Variants in IL3RA observed in about 807,000 individuals in gnomAD.
IL3RA encodes the protein interleukin-3 receptor subunit alpha.
Under a neutral mutation model 52.3 loss-of-function variants are expected in IL3RA, and 73 were observed. The ratio of observed to expected loss-of-function variants is 1.40; its 90% confidence interval spans 1.16 to 1.70. The LOEUF is 1.70. Among genes scored for constraint, IL3RA ranks in the 40% most tolerant of loss-of-function variants. The pLI is 0.00. For synonymous variants in IL3RA, 260 were observed against 194.0 expected, an observed-to-expected ratio of 1.34 and a Z score of -2.83; for missense variants, 664 against 504.4, an observed-to-expected ratio of 1.32 and a Z score of -3.03.
chrX:1,340,644 T>C (rs187388820), intron 1 of IL3RA, among the ~76,000 whole-genome samples: 6 of 152,252 alleles, frequency 3.9e-5, no homozygotes, highest in Admixed American at 1.3e-4. Context: ...CATGCACAGA[T>C]ACATATGCAT....
chrX:1,353,081 T>C (rs780059604), intron 6 of IL3RA, among the ~76,000 whole-genome samples: 26 of 149,538 alleles, frequency 1.7e-4, no homozygotes, highest in Middle Eastern at 3.6e-3. Context: ...TCATTGGTCA[T>C]AGGACCCCCT....
At chrX:1,348,597 T>G (rs1884327533) in intron 4 of IL3RA, 52 bp downstream of exon 4, 2 of 1,295,892 alleles carry the variant, frequency 1.5e-6, no homozygotes, top group South Asian at 1.2e-5. Flanking sequence ...CCTCCTTCCC[T>G]CTCTCCCTCC....
At chrX:1,380,866 G>T (rs770054546) in intron 10 of IL3RA, among the ~76,000 whole-genome samples, 157 bp from the exon 11 acceptor site, 1 of 151,980 alleles carries the variant, frequency 6.6e-6, no homozygotes, top group Admixed American at 6.6e-5. Flanking sequence ...TCGGGGGCGT[G>T]TCAGGGCCTC....
intron 8 of IL3RA, among the ~76,000 whole-genome samples, chrX:1,363,551 G>A (rs1431004672): frequency 2.0e-5 from 3 of 151,034 alleles, no homozygotes; most frequent in Admixed American, 2.0e-4. Context: ...GCCCTCCAAA[G>A]TGCTGGGATT....
At chrX:1,362,712 C>CT (rs1402715845) in intron 8 of IL3RA, among the ~76,000 whole-genome samples, 1 of 152,168 alleles carries the variant, frequency 6.6e-6, no homozygotes, top group East Asian at 1.9e-4. Flanking sequence ...GTGGCCATAT[C>CT]ACTCCACTCT....
intron 6 of IL3RA, among the ~76,000 whole-genome samples, chrX:1,353,545 T>C (rs2086300284): frequency 6.6e-6 from 1 of 150,628 alleles, no homozygotes; most frequent in South Asian, 2.1e-4. Flanking sequence ...GGTTCCATCA[T>C]GGGTCATAGG....
chrX:1,342,246 A>G (rs1162834455), intron 2 of IL3RA, among the ~76,000 whole-genome samples: 8 of 150,586 alleles, frequency 5.3e-5, no homozygotes, highest in Non-Finnish European at 7.4e-5. Flanking sequence ...GCTCACTGCA[A>G]CCTCTGCCTC....
rs17879004 is a variant in IL3RA at position 1,348,511 on chromosome X, A to C, written c.264A>C (p.Pro88=). 0.097 allele frequency: 157,199 copies of C among 1,612,976 alleles called. 8,326 individuals carry two copies. Among genetic ancestry groups the C allele is most frequent in the Middle Eastern group, 0.16 (980 of 6,054 alleles). Residue 88 remains proline (P), a synonymous_variant, in exon 4 of 12, where the codon CCA becomes CCC. Transcript: ENST00000331035. The part of the protein sequence containing the change: ...VTNYTVRVAN[P]PFSTWILFPE... ...ACTACACCGTCCGAGTGGCCAACCCACCATTCTCCACGTGGATCCTCTTCC... is the reference window on the plus strand; with the variant it reads ...ACTACACCGTCCGAGTGGCCAACCCCCCATTCTCCACGTGGATCCTCTTCC...
At position 1,365,252 on chromosome X, in the gene IL3RA, G is replaced by A. The variant is rs1244518009; in HGVS notation, c.874G>A (p.Glu292Lys). Residue 292 changes from glutamate (E) to lysine (K), a missense_variant and splice_region_variant, in exon 9 of 12, where the codon GAG (glutamate) becomes AAG (lysine). Glu to Lys is a moderately conservative substitution (Grantham distance 56, BLOSUM62 1). Transcript: ENST00000331035. ...LSAWSTPQRF[E>K]CDQEEGANTR... ...CGCCTGGAGCACCCCCCAGCGCTTC[G>A]GTGAGTGGGCTGTGCGGGGTGCGCG... 3.1e-6 allele frequency: 5 copies of A among 1,606,476 alleles called. No homozygotes were observed. The highest frequency in any genetic ancestry group is 2.7e-5 in the African/African-American group (2 of 74,184).
At position 1,342,962 on chromosome X, in the gene IL3RA, T is replaced by C. The variant is rs1400813490; in HGVS notation, c.64+1133T>C. Among the ~76,000 whole-genome samples the C allele has an allele frequency of 1.9e-4, 29 of 151,578 alleles. 1 individual carries two copies. Among genetic ancestry groups the C allele is most frequent in the East Asian group, 1.6e-3 (8 of 5,014 alleles). ...TGGTGGCGGGCGCCTGTAATCCCAGTTACTCGGGAGGCTGAGGCAGGAGAG... is the reference window on the plus strand; with the variant it reads ...TGGTGGCGGGCGCCTGTAATCCCAGCTACTCGGGAGGCTGAGGCAGGAGAG... On this transcript the variant is annotated intron_variant, in intron 2 of 11. Transcript: ENST00000331035.
chrX:1,349,710 T>G lies in IL3RA; in HGVS notation c.298+1165T>G, dbSNP rs140249136. ...GGAGTCTTGTTCTTGTCGCCCAGGC[T>G]GGAGTGCAGTGGTGCGATTTCAGCT... On this transcript the variant is annotated intron_variant, in intron 4 of 11. Coordinates refer to ENST00000331035, the MANE Select transcript of IL3RA (RefSeq NM_002183.4). Among the ~76,000 whole-genome samples the G allele has an allele frequency of 1.6e-3, 238 of 152,172 alleles. 1 individual carries two copies. The highest frequency in any genetic ancestry group is 5.1e-3 in the African/African-American group (210 of 41,512).
chrX:1,361,534 G>A (rs1172871818), intron 8 of IL3RA, among the ~76,000 whole-genome samples: 3 of 152,136 alleles, frequency 2.0e-5, no homozygotes, highest in East Asian at 1.9e-4. Context: ...GGTGGACCAC[G>A]AGGTCAGGAG....
chrX:1,354,757 CAGG>C (rs1234297113), intron 6 of IL3RA, among the ~76,000 whole-genome samples: 11 of 85,204 alleles, frequency 1.3e-4, no homozygotes, highest in Non-Finnish European at 2.5e-4. Flanking sequence ...AGAGAAGGAG[CAGG>C]AGGAGGAGAA....
rs774419456 is a variant in IL3RA at position 1,352,375 on chromosome X, G to T, written c.485G>T (p.Arg162Leu). 4.8e-5 allele frequency: 77 copies of T among 1,613,762 alleles called. No individual in the cohort carries two copies. The Middle Eastern group carries it at 4.9e-4, about 10-fold the overall frequency. ...TACAAAACGGATGCTCAGGGAACAC[G>T]TATCGGGTGTCGTTTCGATGACATC... ...LHYKTDAQGT[R>L]IGCRFDDISR... The change falls in exon 6 of 12, where the codon CGT becomes CTT. Residue 162 changes from arginine to leucine, a missense_variant. Arg to Leu is a moderately radical substitution (Grantham distance 102, BLOSUM62 -2). Transcript: ENST00000331035.
At chrX:1,368,718 A>G (rs1160045159) in intron 9 of IL3RA, among the ~76,000 whole-genome samples, 1 of 150,498 alleles carries the variant, frequency 6.6e-6, no homozygotes, top group Non-Finnish European at 1.5e-5. Flanking sequence ...ACACAGGGAG[A>G]AGACGGCGTC....
intron 10 of IL3RA, 119 bp from the exon 11 acceptor site, chrX:1,380,904 A>C (rs1385197817): frequency 6.0e-6 from 5 of 826,614 alleles, no homozygotes; most frequent in South Asian, 1.5e-5. Context: ...AGACCCCTCG[A>C]GTAGATGACT....
At chrX:1,345,468 A>C in intron 3 of IL3RA, 34 bp downstream of exon 3, 1 of 1,324,186 alleles carries the variant, frequency 7.6e-7, no homozygotes, top group Non-Finnish European at 1.0e-6. Flanking sequence ...TTTTATTTTT[A>C]TTTTATTTAT....
At chrX:1,368,670 T>G (rs149351694) in intron 9 of IL3RA, among the ~76,000 whole-genome samples, 1 of 151,524 alleles carries the variant, frequency 6.6e-6, no homozygotes, top group African/African-American at 2.4e-5. Context: ...GAAGAGGAGA[T>G]GAGGACACAG....
chrX:1,359,672 G>A (rs1392839413), intron 8 of IL3RA, among the ~76,000 whole-genome samples: 1 of 140,144 alleles, frequency 7.1e-6, no homozygotes, highest in Non-Finnish European at 1.5e-5. Context: ...CCCGCTCCGT[G>A]TCTGTCTCTA....
Sources: gnomAD v4.1 joint callset for allele counts (sites outside exome capture counted in the v4.1 genomes callset) on GRCh38, gnomAD v4.1.1 for gene constraint, MANE v1.5 for transcripts, NCBI Gene and HGNC (gene_info 2026-07-23, HGNC 2026-07-21) for gene names.